The following ADAM23 variants were observed in gnomAD, a reference collection of about 807,000 sequenced individuals.
The protein encoded by ADAM23 is ADAM metallopeptidase domain 23.
A neutral mutation model predicts 120.1 loss-of-function variants in ADAM23; 33 were observed. The observed-to-expected ratio is 0.27, with a 90% CI of 0.21 to 0.37. ADAM23 has a LOEUF of 0.37. ADAM23 is among the 10% of genes least tolerant of loss of function. ADAM23 has a pLI of 1.00. For missense variants in ADAM23, 862 were observed against 1,058.2 expected, an observed-to-expected ratio of 0.81 and a Z score of 2.57; for synonymous variants, 367 against 375.2, an observed-to-expected ratio of 0.98 and a Z score of 0.25.
At chr2:206,571,215 C>G (rs1475704574) in intron 16 of ADAM23, among the ~76,000 whole-genome samples, 2 of 152,150 alleles carry the variant, frequency 1.3e-5, no homozygotes, top group African/African-American at 4.8e-5. Flanking sequence ...GTGGCTGACG[C>G]CTGTAATCCC....
At chr2:206,541,356 T>G (rs1697287364) in intron 4 of ADAM23, among the ~76,000 whole-genome samples, 1 of 152,132 alleles carries the variant, frequency 6.6e-6, no homozygotes, top group Non-Finnish European at 1.5e-5. Flanking sequence ...GTGATATGAA[T>G]TAGAATGTAC....
At chr2:206,474,011 C>CAAAAAAAAAAAAAA (rs761985007) in intron 2 of ADAM23, among the ~76,000 whole-genome samples, 5 of 57,870 alleles carry the variant, frequency 8.6e-5, no homozygotes, top group Non-Finnish European at 1.5e-4. Flanking sequence ...GACCCTGTCT[C>CAAAAAAAAAAAAAA]AAAAAAAAAA....
intron 2 of ADAM23, among the ~76,000 whole-genome samples, chr2:206,458,016 T>C (rs1395857367): frequency 6.6e-6 from 1 of 152,230 alleles, no homozygotes; most frequent in East Asian, 1.9e-4. Context: ...GAAATTGGCA[T>C]TTTAACGATC....
intron 2 of ADAM23, among the ~76,000 whole-genome samples, chr2:206,449,154 C>T (rs1559211371): frequency 6.6e-6 from 1 of 152,140 alleles, no homozygotes; most frequent in Non-Finnish European, 1.5e-5. Context: ...AAAACCCTCC[C>T]ATACGTCAGA....
At chr2:206,534,622 C>G (rs1252509573) in intron 4 of ADAM23, among the ~76,000 whole-genome samples, 1 of 152,106 alleles carries the variant, frequency 6.6e-6, no homozygotes, top group African/African-American at 2.4e-5. Flanking sequence ...AAATAATAAG[C>G]ATCAACAAAA....
intron 3 of ADAM23, among the ~76,000 whole-genome samples, chr2:206,529,167 A>G (rs372392498): frequency 6.6e-6 from 1 of 152,170 alleles, no homozygotes; most frequent in Non-Finnish European, 1.5e-5. Flanking sequence ...TCTGTACTGA[A>G]TAAGTACTAG....
intron 2 of ADAM23, among the ~76,000 whole-genome samples, chr2:206,479,297 C>T (rs2300971): frequency 0.22 from 32,790 of 152,056 alleles, 3,953 homozygotes; most frequent in African/African-American, 0.33. Flanking sequence ...TGTCACATCA[C>T]TTATTTGCTA....
At chr2:206,559,695 T>A (rs183730217) in intron 10 of ADAM23, among the ~76,000 whole-genome samples, 1 of 152,314 alleles carries the variant, frequency 6.6e-6, no homozygotes, top group Non-Finnish European at 1.5e-5. Flanking sequence ...ATCCTTACTG[T>A]CTCTCCCTAG....
intron 4 of ADAM23, among the ~76,000 whole-genome samples, chr2:206,535,219 A>T (rs183913708): frequency 6.6e-6 from 1 of 152,320 alleles, no homozygotes; most frequent in Admixed American, 6.5e-5. Flanking sequence ...TTTCAATTCT[A>T]TGTCACTCTC....
intron 21 of ADAM23, among the ~76,000 whole-genome samples, chr2:206,590,400 A>T (rs1045890091): frequency 1.3e-5 from 2 of 152,066 alleles, no homozygotes; most frequent in Admixed American, 6.6e-5. Context: ...GTCCAGCCTG[A>T]TATTTATTTG....
At chr2:206,584,525 G>C (rs2105842773) in intron 18 of ADAM23, among the ~76,000 whole-genome samples, 1 of 152,224 alleles carries the variant, frequency 6.6e-6, no homozygotes, top group East Asian at 1.9e-4. Context: ...CTGACAACCT[G>C]CATGACTCAG....
chr2:206,444,075 C>T lies in ADAM23; in HGVS notation c.209C>T (p.Pro70Leu). 7.3e-7 allele frequency: 1 copy of T among 1,362,964 alleles called. No individual in the cohort carries two copies. Among genetic ancestry groups the T allele is most frequent in the South Asian group, 1.8e-5 (1 of 56,894 alleles). The allele number at this position is 1,362,964 out of a possible 1,614,324, so 84.4% of individuals were successfully genotyped here. A position where few individuals can be genotyped will look rare whatever the true frequency, so the allele number is the denominator to read the frequency against. The change falls in exon 1 of 26, where the codon CCC becomes CTC. Residue 70 changes from proline to leucine, a missense_variant. Pro to Leu is a moderately conservative substitution (Grantham distance 98). Coordinates refer to ENST00000264377, the MANE Select transcript of ADAM23 (RefSeq NM_003812.4). ...SRPRAWGAAA[P>L]SAPHWNETAE... is the part of the protein sequence containing the mutation. Reference sequence around the variant, plus strand: ...CCCCGCGCCTGGGGGGCTGCTGCGCCCAGCGGTGGGTATGGCCCCGTGCCC... The same window carrying T: ...CCCCGCGCCTGGGGGGCTGCTGCGCTCAGCGGTGGGTATGGCCCCGTGCCC...
At chr2:206,457,159 G>T (rs1338309367) in intron 2 of ADAM23, among the ~76,000 whole-genome samples, 1 of 152,136 alleles carries the variant, frequency 6.6e-6, no homozygotes, top group African/African-American at 2.4e-5. Flanking sequence ...CAATGCATTG[G>T]TAATAAATAT....
rs1699025817 is a variant in ADAM23 at position 206,620,059 on chromosome 2, T to C, written c.*2432T>C. ...CTTGTTGCTGGGTCCTACTCTCTAG[T>C]AGATACTAAACTGCTGTGAAGTACA... On this transcript the variant is annotated 3_prime_UTR_variant, in exon 26 of 26. Coordinates refer to ENST00000264377, the MANE Select transcript of ADAM23 (RefSeq NM_003812.4). The C allele has an allele frequency of 6.6e-6, 1 of 152,196 alleles. No individual in the cohort carries two copies. Among genetic ancestry groups the C allele is most frequent in the African/African-American group, 2.4e-5 (1 of 41,450 alleles). 9.4% of individuals were successfully genotyped at this position (152,196 alleles called of 1,614,324 possible).
chr2:206,569,355 T>G (rs560337024), intron 15 of ADAM23, among the ~76,000 whole-genome samples: 1 of 152,376 alleles, frequency 6.6e-6, no homozygotes, highest in East Asian at 1.9e-4. Flanking sequence ...TGGAATTATG[T>G]CTTTTTAAAC....
At chr2:206,506,676 T>G (rs1696503127) in intron 3 of ADAM23, among the ~76,000 whole-genome samples, 1 of 152,228 alleles carries the variant, frequency 6.6e-6, no homozygotes, top group Non-Finnish European at 1.5e-5. Context: ...CCTTTTAGAT[T>G]GCAGATCTAG....
Position 206,617,835 on chromosome 2 carries a change from T to G in ADAM23, c.*208T>G, listed in dbSNP as rs1200754705. ...AAGAACACCTTTCACCACCTGTCAG[T>G]AAACGGGGGAGGGGGCAAAAGACCA... is the stretch of plus-strand genomic sequence containing the variant. On this transcript the variant is annotated 3_prime_UTR_variant, in exon 26 of 26. Transcript: ENST00000264377. 3 of 1,086,484 alleles carry G rather than the reference T, an allele frequency of 2.8e-6. No individual in the cohort carries two copies. The highest frequency in any genetic ancestry group is 3.7e-6 in the Non-Finnish European group (3 of 821,768). 67.3% of individuals were successfully genotyped at this position (1,086,484 alleles called of 1,614,324 possible).
At chr2:206,548,648 C>T (rs1262648639) in intron 8 of ADAM23, among the ~76,000 whole-genome samples, 1 of 152,008 alleles carries the variant, frequency 6.6e-6, no homozygotes, top group Non-Finnish European at 1.5e-5. Context: ...AATTGCAGTG[C>T]GTTTTATTTT....
intron 24 of ADAM23, among the ~76,000 whole-genome samples, chr2:206,601,956 T>G (rs901157868): frequency 6.6e-6 from 1 of 152,198 alleles, no homozygotes; most frequent in African/African-American, 2.4e-5. Flanking sequence ...TTTAGTATTT[T>G]TAAAATAATA....
Sources: allele counts gnomAD v4.1 joint callset (sites outside exome capture counted in the v4.1 genomes callset), GRCh38; gene constraint gnomAD v4.1.1; transcripts MANE v1.5; gene names NCBI Gene and HGNC (gene_info 2026-07-23, HGNC 2026-07-21).